The following SPOCK3 variants were observed in gnomAD, a reference collection of about 807,000 sequenced individuals.
SPOCK3 encodes SPARC (osteonectin), cwcv and kazal like domains proteoglycan 3.
A neutral mutation model predicts 56.6 loss-of-function variants in SPOCK3; 30 were observed. The ratio of observed to expected loss-of-function variants is 0.53; its 90% CI spans 0.40 to 0.72. The LOEUF is 0.72. Among genes scored for constraint, SPOCK3 ranks in the 30% least tolerant of loss-of-function variants. The pLI is 0.00. For missense variants in SPOCK3, 527 were observed against 530.0 expected, an observed-to-expected ratio of 0.99 and a Z score of 0.06; for synonymous variants, 196 against 183.3, an observed-to-expected ratio of 1.07 and a Z score of -0.56.
intron 3 of SPOCK3, among the ~76,000 whole-genome samples, chr4:167,018,018 T>A (rs1182688176): frequency 6.6e-6 from 1 of 152,066 alleles, no homozygotes; most frequent in East Asian, 1.9e-4. Context: ...ATTTTTCTCT[T>A]TTAGGGACTT....
rs1334158620 is a variant in SPOCK3 at position 166,875,079 on chromosome 4, T to C, written c.589+14051A>G. On this transcript the variant is annotated intron_variant, in intron 6 of 10. Transcript: ENST00000357545. ...ATCTACAAGTTTTTTAAAGGACATATAGATATATTTGTCATATTTACAATA... is the reference window on the plus strand; with the variant it reads ...ATCTACAAGTTTTTTAAAGGACATACAGATATATTTGTCATATTTACAATA... 2.7e-5 allele frequency among the ~76,000 whole-genome samples: 4 copies of C among 146,490 alleles called. No homozygotes were observed. In the East Asian group the frequency reaches 8.5e-4, roughly 31 times the overall value.
In SPOCK3 at chr4:166,959,814, A is replaced by G. The variant is rs141968750; in HGVS notation, c.350+40535T>C. Among the ~76,000 whole-genome samples the G allele has an allele frequency of 1.4e-3, 218 of 152,250 alleles. 1 individual carries two copies. The highest frequency in any genetic ancestry group is 4.7e-3 in the African/African-American group (196 of 41,552). ...ATTGACTATTTTATGTGCACCATATATAATATATGACAAAAGAATAAAGGA... is the reference window on the plus strand; with the variant it reads ...ATTGACTATTTTATGTGCACCATATGTAATATATGACAAAAGAATAAAGGA... On this transcript the variant is annotated intron_variant, in intron 4 of 10. Transcript: ENST00000357545.
At chr4:166,920,467 T>C (rs1019413030) in intron 4 of SPOCK3, among the ~76,000 whole-genome samples, 1 of 152,218 alleles carries the variant, frequency 6.6e-6, no homozygotes, top group African/African-American at 2.4e-5. Flanking sequence ...ATATTTATTT[T>C]CATTCAAGAT....
intron 4 of SPOCK3, among the ~76,000 whole-genome samples, chr4:166,967,393 G>A (rs1257626741): frequency 6.6e-6 from 1 of 152,180 alleles, no homozygotes; most frequent in Non-Finnish European, 1.5e-5. Context: ...CATATCTCAT[G>A]TCAAATTATA....
At chr4:166,810,464 A>G (rs1177723695) in intron 6 of SPOCK3, among the ~76,000 whole-genome samples, 2 of 151,976 alleles carry the variant, frequency 1.3e-5, no homozygotes, top group African/African-American at 2.4e-5. Context: ...ATATGTTTTT[A>G]TAGATATTTA....
intron 7 of SPOCK3, among the ~76,000 whole-genome samples, chr4:166,771,350 T>C (rs768858844): frequency 6.6e-6 from 1 of 152,008 alleles, no homozygotes. Flanking sequence ...ATTTAAAATA[T>C]AACAAAAATA....
At chr4:167,197,438 A>G (rs1260964426) in intron 2 of SPOCK3, among the ~76,000 whole-genome samples, 1 of 152,216 alleles carries the variant, frequency 6.6e-6, no homozygotes. Context: ...AATTTAGGCT[A>G]TTACTTATAA....
chr4:167,012,235 G>A (rs957959561), intron 3 of SPOCK3, among the ~76,000 whole-genome samples: 2 of 151,914 alleles, frequency 1.3e-5, no homozygotes, highest in African/African-American at 4.8e-5. Context: ...GTTGTCAAGT[G>A]TTAAAAATTA....
At chr4:166,934,716 C>T (rs1208861449) in intron 4 of SPOCK3, among the ~76,000 whole-genome samples, 2 of 152,114 alleles carry the variant, frequency 1.3e-5, no homozygotes, top group African/African-American at 4.8e-5. Flanking sequence ...TCTATGAGAT[C>T]TGGTCTGATT....
At chr4:166,770,654 G>A (rs4860020) in intron 7 of SPOCK3, among the ~76,000 whole-genome samples, 49,671 of 151,928 alleles carry the variant, frequency 0.33, 8,320 homozygotes, top group Admixed American at 0.41. Flanking sequence ...TACCAAGATG[G>A]AAGTTTTAAA....
intron 2 of SPOCK3, among the ~76,000 whole-genome samples, chr4:167,205,077 G>A (rs1474306008): frequency 1.9e-4 from 25 of 129,310 alleles, no homozygotes; most frequent in African/African-American, 6.0e-4. Context: ...TCCCACCACC[G>A]TGCCCCAATG....
chr4:167,153,517 C>T (rs1476844179), intron 2 of SPOCK3, among the ~76,000 whole-genome samples: 1 of 152,076 alleles, frequency 6.6e-6, no homozygotes, highest in Non-Finnish European at 1.5e-5. Flanking sequence ...AAACTCGTGC[C>T]ACATTCCCAG....
intron 4 of SPOCK3, among the ~76,000 whole-genome samples, chr4:166,954,901 G>A (rs769051136): frequency 1.7e-4 from 26 of 152,010 alleles, no homozygotes; most frequent in East Asian, 3.9e-4. Flanking sequence ...TGTCAATTAC[G>A]TCATTCAACA....
At chr4:166,741,474 A>G (rs1204345185) in intron 9 of SPOCK3, among the ~76,000 whole-genome samples, 1 of 152,168 alleles carries the variant, frequency 6.6e-6, no homozygotes, top group East Asian at 1.9e-4. Context: ...TTTATATCCA[A>G]ACATTCAAAT....
intron 4 of SPOCK3, among the ~76,000 whole-genome samples, chr4:166,967,888 T>C (rs971028066): frequency 6.6e-6 from 1 of 152,180 alleles, no homozygotes; most frequent in Admixed American, 6.5e-5. Context: ...TGAATGGTTA[T>C]GACCAAAATG....
At chr4:167,001,026 A>G (rs555230756) in intron 3 of SPOCK3, among the ~76,000 whole-genome samples, 1 of 152,296 alleles carries the variant, frequency 6.6e-6, no homozygotes, top group Admixed American at 6.5e-5. Flanking sequence ...TGTGCATAAT[A>G]TTTGGACCAC....
chr4:166,879,976 C>T (rs1733518090), intron 6 of SPOCK3, among the ~76,000 whole-genome samples: 1 of 152,162 alleles, frequency 6.6e-6, no homozygotes, highest in South Asian at 2.1e-4. Context: ...TTGTAAATTT[C>T]CTGAGGCCTC....
At chr4:166,777,792 T>C (rs541981010) in intron 7 of SPOCK3, among the ~76,000 whole-genome samples, 2 of 152,184 alleles carry the variant, frequency 1.3e-5, no homozygotes, top group Admixed American at 6.6e-5. Context: ...AAACCTGGGG[T>C]TAAATCCTAG....
chr4:166,955,348 A>C (rs1743279110), intron 4 of SPOCK3, among the ~76,000 whole-genome samples: 1 of 150,860 alleles, frequency 6.6e-6, no homozygotes, highest in Non-Finnish European at 1.5e-5. Flanking sequence ...TAGGCACTCA[A>C]AGTCCGTAAC....
Sources: gnomAD v4.1 joint callset for allele counts (sites outside exome capture counted in the v4.1 genomes callset) on GRCh38, gnomAD v4.1.1 for gene constraint, MANE v1.5 for transcripts, NCBI Gene and HGNC (gene_info 2026-07-23, HGNC 2026-07-21) for gene names.